EFCAB13: variants seen among roughly 807,000 people sequenced by gnomAD.
The protein encoded by EFCAB13 is EF-hand calcium binding domain 13.
Under a neutral mutation model 110.2 loss-of-function variants are expected in EFCAB13, and 91 were observed. The observed-to-expected ratio is 0.83, with a 90% CI of 0.70 to 0.98. The LOEUF (loss-of-function observed/expected upper bound fraction) is 0.98, where lower values mean the gene tolerates loss of function less well. EFCAB13 is among the 50% of genes least tolerant of loss of function. The probability of loss-of-function intolerance (pLI) is 0.00; values close to 1 mark genes in which losing one functional copy is unlikely to be tolerated. For synonymous variants in EFCAB13, 323 were observed against 369.9 expected (o/e 0.87, Z 1.45); for missense variants, 968 against 1,119.4 (o/e 0.86, Z 1.93).
chr17:47,429,948 T>C lies in EFCAB13; in HGVS notation c.2625T>C (p.His875=), dbSNP rs1444131358. The change falls in exon 24 of 25, where the codon CAT becomes CAC. Residue 875 remains histidine (H), a synonymous_variant. Transcript: ENST00000331493. ...CTATACTTACTGTAATGTTAAGACA[T>C]GTACCTGAACATGGTTAGTAGTTTC... ...ANAILTVMLR[H]VPEHESGKVS... The C allele has an allele frequency of 3.1e-6, 5 of 1,604,928 alleles. No individual in the cohort carries two copies. The highest frequency in any genetic ancestry group is 1.3e-5 in the African/African-American group (1 of 74,770).
chr17:47,358,492 A>G (rs983491480), intron 9 of EFCAB13, among the ~76,000 whole-genome samples: 6 of 152,184 alleles, frequency 3.9e-5, no homozygotes, highest in South Asian at 4.1e-4. Context: ...GCCTTTTCAC[A>G]TATACTTTTC....
chr17:47,398,376 T>G (rs951476335), intron 17 of EFCAB13, among the ~76,000 whole-genome samples: 3 of 151,034 alleles, frequency 2.0e-5, no homozygotes, highest in African/African-American at 7.3e-5. Context: ...AACAGCTCAT[T>G]GAGAACGGGC....
intron 18 of EFCAB13, among the ~76,000 whole-genome samples, chr17:47,403,655 T>A (rs2065789948): frequency 6.6e-6 from 1 of 152,226 alleles, no homozygotes; most frequent in Non-Finnish European, 1.5e-5. Context: ...TATGAGTGAT[T>A]TTGGTTGTGC....
chr17:47,352,567 G>A (rs2065459338), intron 9 of EFCAB13, among the ~76,000 whole-genome samples: 1 of 151,994 alleles, frequency 6.6e-6, no homozygotes, highest in Admixed American at 6.6e-5. Context: ...TTGGCTATTT[G>A]GGCTCCTTTA....
chr17:47,360,253 G>A (rs2065505242), intron 9 of EFCAB13, among the ~76,000 whole-genome samples: 1 of 152,138 alleles, frequency 6.6e-6, no homozygotes, highest in Admixed American at 6.5e-5. Flanking sequence ...CAGTGTAAAA[G>A]TGTTCCTATT....
intron 10 of EFCAB13, among the ~76,000 whole-genome samples, chr17:47,363,146 G>T (rs1223166439): frequency 6.6e-6 from 1 of 152,118 alleles, no homozygotes; most frequent in Non-Finnish European, 1.5e-5. Flanking sequence ...ATCATAGCTT[G>T]CTGTAATATT....
intron 5 of EFCAB13, 65 bp downstream of exon 5, chr17:47,335,421 G>C (rs2065343847): frequency 7.3e-7 from 1 of 1,379,046 alleles, no homozygotes; most frequent in Admixed American, 2.2e-5. Context: ...ATGCCAAAAT[G>C]TAGCTGTGGC....
chr17:47,347,629 G>A (rs545504698), intron 8 of EFCAB13, among the ~76,000 whole-genome samples, 179 bp from the exon 9 acceptor site: 1 of 152,264 alleles, frequency 6.6e-6, no homozygotes. Flanking sequence ...TAGGAAACAG[G>A]TTGAAAGATT....
intron 23 of EFCAB13, among the ~76,000 whole-genome samples, chr17:47,421,633 G>A (rs201232001): frequency 1.8e-3 from 80 of 44,560 alleles, no homozygotes; most frequent in Middle Eastern, 0.01. Flanking sequence ...ATAAAAAAAA[G>A]AAAGAAAGAA....
At chr17:47,432,720 G>A (rs1195355550) in intron 24 of EFCAB13, among the ~76,000 whole-genome samples, 3 of 151,800 alleles carry the variant, frequency 2.0e-5, no homozygotes, top group Non-Finnish European at 4.4e-5. Context: ...CTTTTTTTTA[G>A]GGATAACATA....
At chr17:47,411,371 C>G (rs1598756666) in intron 21 of EFCAB13, among the ~76,000 whole-genome samples, 1 of 152,170 alleles carries the variant, frequency 6.6e-6, no homozygotes, top group South Asian at 2.1e-4. Context: ...ATTTCCCCCC[C>G]AAACTCAGTT....
At chr17:47,346,745 C>G (rs1168270698) in intron 8 of EFCAB13, among the ~76,000 whole-genome samples, 2 of 152,104 alleles carry the variant, frequency 1.3e-5, no homozygotes, top group East Asian at 3.9e-4. Context: ...CAGACTAATC[C>G]TTTCATTTCT....
At position 47,345,984 on chromosome 17, in the gene EFCAB13, C is replaced by G. The variant is rs370942785; in HGVS notation, c.517+886C>G. On this transcript the variant is annotated intron_variant, in intron 8 of 24. Transcript: ENST00000331493. Reference sequence around the variant, plus strand: ...TTACTTAATTAAAATAAAATTAAAACTTGCTAGTCTGAAATCTATGAAACT... The same window carrying G: ...TTACTTAATTAAAATAAAATTAAAAGTTGCTAGTCTGAAATCTATGAAACT... Among the ~76,000 whole-genome samples the G allele has an allele frequency of 2.1e-4, 32 of 152,226 alleles. 1 individual carries two copies. The South Asian group carries it at 6.6e-3, about 32-fold the overall frequency.
chr17:47,386,153 G>T (rs539637995), intron 14 of EFCAB13, among the ~76,000 whole-genome samples: 1 of 152,206 alleles, frequency 6.6e-6, no homozygotes, highest in Non-Finnish European at 1.5e-5. Flanking sequence ...GAGCTCAAGC[G>T]CTGTGCTGGG....
intron 8 of EFCAB13, among the ~76,000 whole-genome samples, chr17:47,346,851 GC>G (rs2065419959): frequency 6.6e-6 from 1 of 152,048 alleles, no homozygotes; most frequent in Non-Finnish European, 1.5e-5. Context: ...TTCATTAGTT[GC>G]TGAATTTTCT....
rs114861884 is a variant in EFCAB13, at chr17:47,347,788, G to A, written c.518-20G>A. On this transcript the variant is annotated intron_variant, in intron 8 of 24. Coordinates refer to ENST00000331493, the MANE Select transcript of EFCAB13 (RefSeq NM_152347.5). ...ATTCTTTTTGATTAACTAACTAAATGTTTTGTTATGTGTGTGCAGCACTTC... is the reference window on the plus strand; with the variant it reads ...ATTCTTTTTGATTAACTAACTAAATATTTTGTTATGTGTGTGCAGCACTTC... 912 of 1,390,236 alleles carry A rather than the reference G, an allele frequency of 6.6e-4. 6 individuals are homozygous for A. The African/African-American group carries it at 0.013, about 19-fold the overall frequency. The allele number at this position is 1,390,236 out of a possible 1,614,324, so 86.1% of individuals were successfully genotyped here.
At chr17:47,395,010 T>C (rs1012660379) in intron 16 of EFCAB13, among the ~76,000 whole-genome samples, 2 of 152,196 alleles carry the variant, frequency 1.3e-5, no homozygotes, top group African/African-American at 2.4e-5. Flanking sequence ...TATACCTCAT[T>C]GGGACCTTAT....
chr17:47,370,587 T>A, intron 11 of EFCAB13, 79 bp downstream of exon 11: 1 of 988,406 alleles, frequency 1.0e-6, no homozygotes, highest in South Asian at 1.6e-5. Flanking sequence ...ATAAGTTTTA[T>A]TTTATAAAGG....
intron 14 of EFCAB13, among the ~76,000 whole-genome samples, chr17:47,379,731 C>CT (rs1890666442): frequency 6.6e-6 from 1 of 151,240 alleles, no homozygotes. Context: ...CCACAATACG[C>CT]TTTTGTTGCT....
Sources: gnomAD v4.1 joint callset for allele counts (sites outside exome capture counted in the v4.1 genomes callset) on GRCh38, gnomAD v4.1.1 for gene constraint, MANE v1.5 for transcripts, NCBI Gene and HGNC (gene_info 2026-07-23, HGNC 2026-07-21) for gene names.